The following PTPRF variants were observed in gnomAD, a reference collection of about 807,000 sequenced individuals.
PTPRF encodes the protein protein tyrosine phosphatase receptor type F.
Under a neutral mutation model 201.8 loss-of-function variants are expected in PTPRF, and 59 were observed. The observed-to-expected ratio is 0.29, with a 90% CI of 0.24 to 0.36. The LOEUF is 0.36. PTPRF is among the 10% of genes least tolerant of loss of function. PTPRF has a pLI of 1.00. For synonymous variants in PTPRF, 1,088 were observed against 1,089.7 expected (o/e 1.00, Z 0.03); for missense variants, 2,132 against 2,690.5 (o/e 0.79, Z 4.59).
chr1:43,591,380 C>A lies in PTPRF; in HGVS notation c.1358C>A (p.Pro453Gln). The stretch of plus-strand genomic sequence containing the variant: ...CGGGGATACCGCGTCTACTATACTC[C>A]GGACTCCCGCCGCCCCCCGAACGCC... ...LVRGYRVYYT[P>Q]DSRRPPNAWH... is the part of the protein sequence containing the mutation. Residue 453 changes from proline to glutamine, a missense_variant, in exon 9 of 34, where the codon CCG becomes CAG. Physicochemically the swap from Pro to Gln is moderately conservative, Grantham distance 76. Transcript: ENST00000359947. The A allele has an allele frequency of 6.4e-7, 1 of 1,557,490 alleles. No homozygotes were observed. Among genetic ancestry groups the A allele is most frequent in the Non-Finnish European group, 8.7e-7 (1 of 1,152,184 alleles).
intron 16 of PTPRF, among the ~76,000 whole-genome samples, chr1:43,604,647 G>A (rs1411030665): frequency 9.9e-5 from 15 of 152,132 alleles, no homozygotes; most frequent in Admixed American, 9.8e-4. Flanking sequence ...TTACACTCGC[G>A]TTTCTGGAGA....
intron 6 of PTPRF, among the ~76,000 whole-genome samples, chr1:43,577,063 GC>G (rs1646975749): frequency 6.6e-6 from 1 of 152,080 alleles, no homozygotes; most frequent in Admixed American, 6.5e-5. Flanking sequence ...TCTCTGTTAG[GC>G]CCCCTGACCA....
At chr1:43,602,040 GTCTCCCTTTC>G in intron 13 of PTPRF, 21 bp from the exon 14 acceptor site, 1 of 1,607,828 alleles carries the variant, frequency 6.2e-7, no homozygotes, top group Non-Finnish European at 8.5e-7. Flanking sequence ...TCACCATCCT[GTCTCCCTTTC>G]TCTCCCTCTC....
chr1:43,552,358 T>C (rs542444955), intron 3 of PTPRF, among the ~76,000 whole-genome samples: 201 of 152,342 alleles, frequency 1.3e-3, no homozygotes, highest in African/African-American at 4.6e-3. Flanking sequence ...AGGTCCCAGA[T>C]GTGCCCCTCA....
chr1:43,553,212 G>C lies in PTPRF; in HGVS notation c.92-280G>C, dbSNP rs1400682037. ...TTGGAACACCTGGGTTCAGATCTTA[G>C]CTCTACCACTTACCAGCTGTGTCAT... On this transcript the variant is annotated intron_variant, in intron 3 of 33. Coordinates refer to ENST00000359947, the MANE Select transcript of PTPRF (RefSeq NM_002840.5). This position sits in a 1 kb window ranked among gnomAD's most constrained non-coding sequence, Gnocchi z 4.1. Among the ~76,000 whole-genome samples, 1 of 152,170 alleles carries C rather than the reference G, an allele frequency of 6.6e-6. No individual in the cohort carries two copies. The highest frequency in any genetic ancestry group is 1.9e-4 in the East Asian group (1 of 5,200).
rs201150809 is a variant in PTPRF at position 43,606,390 on chromosome 1, C to T, written c.3634C>T (p.Arg1212Trp). Residue 1212 changes from arginine to tryptophan, a missense_variant, in exon 20 of 34, where the codon CGG (arginine) becomes TGG (tryptophan). Physicochemically the swap from Arg to Trp is moderately radical, Grantham distance 101. Coordinates refer to ENST00000359947, the MANE Select transcript of PTPRF (RefSeq NM_002840.5). ...GAAGAACTACCGGGGCTTCTACAACCGGCCCCTGTCTCCGGACTTGAGCTA... is the reference window on the plus strand; with the variant it reads ...GAAGAACTACCGGGGCTTCTACAACTGGCCCCTGTCTCCGGACTTGAGCTA... ...DKKNYRGFYN[R>W]PLSPDLSYQC... 6.3e-5 allele frequency: 101 copies of T among 1,614,058 alleles called. No individual in the cohort carries two copies. Among genetic ancestry groups the T allele is most frequent in the Non-Finnish European group, 8.0e-5 (94 of 1,180,018 alleles).
At chr1:43,593,385 G>T (rs74070624) in intron 11 of PTPRF, among the ~76,000 whole-genome samples, 6,884 of 152,264 alleles carry the variant, frequency 0.045, 524 homozygotes, top group African/African-American at 0.16. Context: ...AACCGTATTT[G>T]TGGGTCTCGG....
At position 43,583,018 on chromosome 1, in the gene PTPRF, CT is replaced by C. The variant is rs568643021; in HGVS notation, c.679+4106del. The C allele has an allele frequency of 7.8e-5, 75 of 957,100 alleles. No individual in the cohort carries two copies. The South Asian group carries it at 3.0e-3, about 39-fold the overall frequency. The allele number at this position is 957,100 out of a possible 1,614,324, so 59.3% of individuals were successfully genotyped here. A position where few individuals can be genotyped will look rare whatever the true frequency, so the allele number is the denominator to read the frequency against. On this transcript the variant is annotated intron_variant, in intron 7 of 33. Coordinates refer to ENST00000359947, the MANE Select transcript of PTPRF (RefSeq NM_002840.5). ...TTACTCTCTCTGTGTTTCTCCTTGT[CT>C]TTTTTTTATTCCCTCCTCATCTTCA...
At position 43,546,943 on chromosome 1, in the gene PTPRF, G is replaced by A. The variant is rs1557680540; in HGVS notation, c.91+1777G>A. ...TACCGCCTTCATCCAAGCCACCCTC[G>A]GCTCTTGGGCTTTTGCACGCAACAG... On this transcript the variant is annotated intron_variant, in intron 3 of 33. Transcript: ENST00000359947. This position sits in a 1 kb window ranked among gnomAD's most constrained non-coding sequence, Gnocchi z 4.2. 1.3e-5 allele frequency among the ~76,000 whole-genome samples: 2 copies of A among 152,078 alleles called. No individual in the cohort carries two copies. Among genetic ancestry groups the A allele is most frequent in the African/African-American group, 2.4e-5 (1 of 41,380 alleles).
In PTPRF at chr1:43,531,025, G is replaced by A. The variant is rs1643409283; in HGVS notation, c.-191G>A. ...ACCAGGTGGAGGCGGCGGCGGCAGA[G>A]GAGTGGGAGCAGCGGCCCTAGCGGC... is the stretch of plus-strand genomic sequence containing the variant. On this transcript the variant is annotated 5_prime_UTR_variant, in exon 1 of 34. Transcript: ENST00000359947. The A allele has an allele frequency of 1.3e-5, 2 of 155,324 alleles. No individual in the cohort carries two copies. The highest frequency in any genetic ancestry group is 1.3e-4 in the Admixed American group (2 of 15,230). 9.6% of individuals were successfully genotyped at this position (155,324 alleles called of 1,614,324 possible). A position where few individuals can be genotyped will look rare whatever the true frequency, so the allele number is the denominator to read the frequency against.
At chr1:43,544,611 T>A (rs544554310) in intron 2 of PTPRF, among the ~76,000 whole-genome samples, 25 of 152,316 alleles carry the variant, frequency 1.6e-4, no homozygotes, top group Non-Finnish European at 2.9e-4. Context: ...TGTCACTGTC[T>A]TGTCTCTCTG....
rs1214235573 is a variant in PTPRF at position 43,609,555 on chromosome 1, C to A, written c.3973+57C>A. 5 of 1,393,166 alleles carry A rather than the reference C, an allele frequency of 3.6e-6. No homozygotes were observed. In the Admixed American group the frequency reaches 7.6e-5, roughly 21 times the overall value. 86.3% of individuals were successfully genotyped at this position (1,393,166 alleles called of 1,614,324 possible). On this transcript the variant is annotated intron_variant, in intron 22 of 33. Coordinates refer to ENST00000359947, the MANE Select transcript of PTPRF (RefSeq NM_002840.5). Reference sequence around the variant, plus strand: ...GCCCAGACCTAGCAGGCCTGTGGGTCTGTTCTGCAGGTCTCAGGGTCGCCA... The same window carrying A: ...GCCCAGACCTAGCAGGCCTGTGGGTATGTTCTGCAGGTCTCAGGGTCGCCA...
At chr1:43,569,285 T>C (rs890177378) in intron 5 of PTPRF, among the ~76,000 whole-genome samples, 1 of 143,332 alleles carries the variant, frequency 7.0e-6, no homozygotes, top group African/African-American at 2.6e-5. Flanking sequence ...CAGCAGAGCA[T>C]TGATTCTCGT....
chr1:43,573,450 G>A (rs1404096981), intron 6 of PTPRF, among the ~76,000 whole-genome samples: 1 of 152,240 alleles, frequency 6.6e-6, no homozygotes. Flanking sequence ...GAAACCTGGG[G>A]GTCTTAAGAA....
intron 8 of PTPRF, 142 bp downstream of exon 8, chr1:43,589,142 C>T (rs1463535308): frequency 1.0e-5 from 10 of 999,510 alleles, no homozygotes; most frequent in Non-Finnish European, 1.4e-5. Flanking sequence ...CCCTGGGGTC[C>T]TCCAGCCCTT....
In PTPRF at chr1:43,621,195, C is replaced by A. The variant is rs1659132697; in HGVS notation, c.5618C>A (p.Thr1873Asn). 6.2e-7 allele frequency: 1 copy of A among 1,614,052 alleles called. No individual in the cohort carries two copies. Among genetic ancestry groups the A allele is most frequent in the African/African-American group, 1.3e-5 (1 of 74,954 alleles). The change falls in exon 33 of 34, where the codon ACC (threonine) becomes AAC (asparagine). Residue 1873 changes from threonine (T) to asparagine (N), a missense_variant. By Grantham distance (65) the Thr-to-Asn change is moderately conservative. This residue lies in a region of PTPRF where 519 missense variants were observed against 659.5 expected (regional missense o/e 0.79). Coordinates refer to ENST00000359947, the MANE Select transcript of PTPRF (RefSeq NM_002840.5). ...GVVDMFQTVKTLRTQRPAMVQ... is the reference protein window; with the variant it reads ...GVVDMFQTVKNLRTQRPAMVQ... ...GTCGACATGTTTCAGACCGTGAAGA[C>A]CCTGCGTACACAGCGTCCTGCCATG...
intron 22 of PTPRF, among the ~76,000 whole-genome samples, chr1:43,611,101 G>A (rs1367783424): frequency 6.6e-6 from 1 of 152,226 alleles, no homozygotes. Context: ...AGCCAGCTCT[G>A]AGCCTTGCTG....
At position 43,564,485 on chromosome 1, in the gene PTPRF, C is replaced by T. The variant is rs575182062; in HGVS notation, c.380-5105C>T. Among the ~76,000 whole-genome samples, 206 of 152,272 alleles carry T rather than the reference C, an allele frequency of 1.4e-3. 1 individual carries two copies. The highest frequency in any genetic ancestry group is 4.6e-3 in the African/African-American group (191 of 41,536). On this transcript the variant is annotated intron_variant, in intron 5 of 33. Coordinates refer to ENST00000359947, the MANE Select transcript of PTPRF (RefSeq NM_002840.5). ...TGTGTTTGCGTGTCTCTGTGTGCAC[C>T]GCCTCTGGATCTGCTTGCATGCGCC...
intron 6 of PTPRF, 105 bp downstream of exon 6, chr1:43,569,883 AG>A (rs67630978): frequency 0.03 from 38,126 of 1,275,958 alleles, 625 homozygotes; most frequent in Non-Finnish European, 0.034. Context: ...TCCAGGGCTG[AG>A]CGGAGGGTAC....
Sources: gnomAD v4.1 joint callset for allele counts (sites outside exome capture counted in the v4.1 genomes callset) on GRCh38, gnomAD v4.1.1 for gene constraint, gnomAD v4.1.1 regional missense constraint, Gnocchi (gnomAD v3.1) non-coding constraint, MANE v1.5 for transcripts, NCBI Gene and HGNC (gene_info 2026-07-23, HGNC 2026-07-21) for gene names.